The following DYNC2H1 variants were observed in gnomAD, a reference collection of about 807,000 sequenced individuals.
DYNC2H1 encodes cytoplasmic dynein 2 heavy chain 1.
In DYNC2H1, 410 loss-of-function variants were observed where a neutral mutation model predicts 570.0. That is an observed-to-expected ratio of 0.72 (90% confidence interval 0.66 to 0.78). DYNC2H1 has a LOEUF of 0.78. Among genes scored for constraint, DYNC2H1 ranks in the 30% least tolerant of loss-of-function variants. The pLI is 0.00. For missense variants in DYNC2H1, 4,865 were observed against 5,046.4 expected (o/e 0.96, Z 1.09); for synonymous variants, 1,688 against 1,677.6 (o/e 1.01, Z -0.15).
At position 103,198,710 on chromosome 11, in the gene DYNC2H1, A is replaced by G. The variant is rs868323875; in HGVS notation, c.7840-518A>G. ...AGTTTTGAAGCGTTGAAAGTTGTTA[A>G]ATATGTAAAGTCTAATTTTCCTTTC... On this transcript the variant is annotated intron_variant, in intron 48 of 88. Coordinates refer to ENST00000375735, the MANE Select transcript of DYNC2H1 (RefSeq NM_001377.3). 2.6e-5 allele frequency among the ~76,000 whole-genome samples: 4 copies of G among 152,132 alleles called. No homozygotes were observed. The South Asian group carries it at 8.3e-4, about 32-fold the overall frequency.
chr11:103,137,151 A>G (rs1053637634), intron 17 of DYNC2H1, among the ~76,000 whole-genome samples: 4 of 148,070 alleles, frequency 2.7e-5, no homozygotes, highest in Non-Finnish European at 4.5e-5. Flanking sequence ...AGTAGGTTGC[A>G]AAAATTTTCT....
chr11:103,143,415 T>C lies in DYNC2H1; in HGVS notation c.2702+20T>C. 3.2e-6 allele frequency: 5 copies of C among 1,574,400 alleles called. No homozygotes were observed. The highest frequency in any genetic ancestry group is 4.3e-6 in the Non-Finnish European group (5 of 1,163,338). ...TCCAAGGTATTGGAGGTTAATGTAG[T>C]ACTTACGTACCATAATAATTTTTTG... On this transcript the variant is annotated intron_variant, in intron 18 of 88. Transcript: ENST00000375735.
chr11:103,321,767 A>G (rs528968895), intron 81 of DYNC2H1, among the ~76,000 whole-genome samples: 197 of 152,222 alleles, frequency 1.3e-3, no homozygotes, highest in African/African-American at 4.5e-3. Flanking sequence ...GCCTCCTAGA[A>G]TGTACTCATC....
At chr11:103,416,677 T>A (rs1421888663) in intron 84 of DYNC2H1, among the ~76,000 whole-genome samples, 1 of 152,036 alleles carries the variant, frequency 6.6e-6, no homozygotes, top group Admixed American at 6.6e-5. Flanking sequence ...GTTAAAAACT[T>A]CAATGTAAAA....
rs1488852141 is a variant in DYNC2H1, at chr11:103,164,700, A to G, written c.4612-1198A>G. Among the ~76,000 whole-genome samples the G allele has an allele frequency of 2.0e-5, 3 of 152,204 alleles. No individual in the cohort carries two copies. The South Asian group carries it at 6.2e-4, about 31-fold the overall frequency. ...GAAGGTTATTTCATAATGTTTGCAG[A>G]GCACACTTAATTGTCATTACATTTT... On this transcript the variant is annotated intron_variant, in intron 30 of 88. Coordinates refer to ENST00000375735, the MANE Select transcript of DYNC2H1 (RefSeq NM_001377.3).
chr11:103,374,204 G>A (rs74973608), intron 83 of DYNC2H1, among the ~76,000 whole-genome samples: 8,082 of 152,174 alleles, frequency 0.053, 288 homozygotes, highest in Non-Finnish European at 0.071. Flanking sequence ...CATAATCGCC[G>A]TGTGTCATGG....
intron 82 of DYNC2H1, among the ~76,000 whole-genome samples, chr11:103,351,296 A>G (rs1350490810): frequency 6.6e-6 from 1 of 152,156 alleles, no homozygotes; most frequent in Non-Finnish European, 1.5e-5. Flanking sequence ...TAAGTCCGGA[A>G]AGTAAACTGC....
intron 20 of DYNC2H1, among the ~76,000 whole-genome samples, chr11:103,149,356 G>A (rs1011779007): frequency 3.3e-5 from 5 of 152,074 alleles, no homozygotes; most frequent in African/African-American, 1.2e-4. Flanking sequence ...CTATCCAGAA[G>A]GCTAGAGCCC....
At chr11:103,390,248 G>A (rs1309302058) in intron 83 of DYNC2H1, among the ~76,000 whole-genome samples, 1 of 151,932 alleles carries the variant, frequency 6.6e-6, no homozygotes, top group Non-Finnish European at 1.5e-5. Context: ...TTACCATTAT[G>A]TAATGGCCTT....
Position 103,156,724 on chromosome 11 carries a change from T to C in DYNC2H1, c.4081T>C (p.Leu1361=). 1.2e-6 allele frequency: 2 copies of C among 1,613,320 alleles called. No individual in the cohort carries two copies. Among genetic ancestry groups the C allele is most frequent in the East Asian group, 2.2e-5 (1 of 44,858 alleles). ...GGAACCCATTTTCGGCCGTGGAGCA[T>C]TGCCAAAAGAACAGACACGCTTCAA... ...YLEPIFGRGA[L]PKEQTRFNRV... The change falls in exon 26 of 89, where the codon TTG becomes CTG. Residue 1361 remains leucine, a synonymous_variant. Transcript: ENST00000375735.
chr11:103,303,185 G>C lies in DYNC2H1; in HGVS notation c.11188G>C (p.Gly3730Arg). The C allele has an allele frequency of 1.2e-6, 2 of 1,612,598 alleles. No homozygotes were observed. Among genetic ancestry groups the C allele is most frequent in the Non-Finnish European group, 1.7e-6 (2 of 1,179,034 alleles). ...IEPILIIISP[G>R]ADPSQELQEL... Reference sequence around the variant, plus strand: ...ACCCATCTTGATAATTATTTCTCCGGGTGCTGATCCTTCTCAGGAACTTCA... The same window carrying C: ...ACCCATCTTGATAATTATTTCTCCGCGTGCTGATCCTTCTCAGGAACTTCA... Residue 3730 changes from glycine to arginine, a missense_variant, in exon 76 of 89, where the codon GGT becomes CGT. Transcript: ENST00000375735.
intron 17 of DYNC2H1, 62 bp downstream of exon 17, chr11:103,136,010 C>T (rs1424815369): frequency 7.5e-6 from 10 of 1,336,668 alleles, no homozygotes; most frequent in South Asian, 1.7e-5. Context: ...ATTGAATTTA[C>T]ATTAAATGTA....
At position 103,226,399 on chromosome 11, in the gene DYNC2H1, A is replaced by G. The variant is rs531039712; in HGVS notation, c.9353+3313A>G. Among the ~76,000 whole-genome samples the G allele has an allele frequency of 8.4e-4, 127 of 152,092 alleles. 2 individuals carry two copies. The highest frequency in any genetic ancestry group is 1.5e-3 in the South Asian group (7 of 4,824). On this transcript the variant is annotated intron_variant, in intron 59 of 88. Transcript: ENST00000375735. ...CTTAAGGTATGTCCCTTCTGTGCCA[A>G]TTTTGCTGAAGATTTTAATCATAAA... is the stretch of plus-strand genomic sequence containing the variant.
At chr11:103,227,340 C>T (rs553558022) in intron 59 of DYNC2H1, among the ~76,000 whole-genome samples, 49 of 152,202 alleles carry the variant, frequency 3.2e-4, no homozygotes, top group African/African-American at 1.1e-3. Context: ...TTCCTCTTGG[C>T]ACCATCTTTG....
chr11:103,368,678 T>C (rs1397340118), intron 83 of DYNC2H1, among the ~76,000 whole-genome samples: 1 of 152,246 alleles, frequency 6.6e-6, no homozygotes, highest in Non-Finnish European at 1.5e-5. Context: ...GCCCAGGTAC[T>C]GAAGTTCTTC....
In DYNC2H1 at chr11:103,247,402, A is replaced by C. The variant is rs117254364; in HGVS notation, c.10042+2028A>C. Among the ~76,000 whole-genome samples the C allele has an allele frequency of 4.6e-5, 7 of 152,156 alleles. No individual in the cohort carries two copies. The East Asian group carries it at 1.3e-3, about 29-fold the overall frequency. Reference sequence around the variant, plus strand: ...GTGATTAATTGTTGTCTCTGTTTTCAAGAGGTATATCTCCATATGGATGTG... The same window carrying C: ...GTGATTAATTGTTGTCTCTGTTTTCCAGAGGTATATCTCCATATGGATGTG... On this transcript the variant is annotated intron_variant, in intron 65 of 88. Transcript: ENST00000375735.
chr11:103,259,718 T>C (rs1865194586), intron 69 of DYNC2H1, among the ~76,000 whole-genome samples, 170 bp from the exon 70 acceptor site: 1 of 152,186 alleles, frequency 6.6e-6, no homozygotes, highest in African/African-American at 2.4e-5. Flanking sequence ...AGATGCGTCA[T>C]TTTTTAATAT....
At chr11:103,155,712 G>A (rs1444210568) in intron 25 of DYNC2H1, among the ~76,000 whole-genome samples, 1 of 152,116 alleles carries the variant, frequency 6.6e-6, no homozygotes, top group Non-Finnish European at 1.5e-5. Context: ...AATCCAGAGA[G>A]CTAAGCCAAG....
chr11:103,215,701 T>TCGG lies in DYNC2H1; in HGVS notation c.8695-19_8695-18insGGC. On this transcript the variant is annotated intron_variant, in intron 54 of 88. Coordinates refer to ENST00000375735, the MANE Select transcript of DYNC2H1 (RefSeq NM_001377.3). ...AATTCCTTTTTTAAAATATTGCCGA[T>TCGG]CAATATTTTATTGATGTAGGCTGGT... 1 of 1,553,500 alleles carries TCGG rather than the reference T, an allele frequency of 6.4e-7. No individual in the cohort carries two copies. Among genetic ancestry groups the TCGG allele is most frequent in the South Asian group, 1.2e-5 (1 of 80,318 alleles).
Sources: allele counts gnomAD v4.1 joint callset (sites outside exome capture counted in the v4.1 genomes callset), GRCh38; gene constraint gnomAD v4.1.1; transcripts MANE v1.5; gene names NCBI Gene and HGNC (gene_info 2026-07-23, HGNC 2026-07-21).